Variants in EML4 observed in about 807,000 individuals in gnomAD.
The protein encoded by EML4 is EMAP like 4, also known as echinoderm microtubule-associated protein-like 4.
In EML4, 72 loss-of-function variants were observed where a neutral mutation model predicts 129.0. The observed-to-expected ratio is 0.56, with a 90% CI of 0.46 to 0.68. The LOEUF (loss-of-function observed/expected upper bound fraction) is 0.68, where lower values mean the gene tolerates loss of function less well. Among genes scored for constraint, EML4 ranks in the 30% least tolerant of loss-of-function variants. EML4 has a pLI of 0.00. For missense variants in EML4, 1,363 were observed against 1,190.6 expected (o/e 1.14, Z -2.13); for synonymous variants, 532 against 405.0 (o/e 1.31, Z -3.77).
At chr2:42,323,537 G>A (rs2103819151) in intron 19 of EML4, among the ~76,000 whole-genome samples, 1 of 152,176 alleles carries the variant, frequency 6.6e-6, no homozygotes, top group East Asian at 1.9e-4. Flanking sequence ...AAAGGTTTGG[G>A]GACACATCGG....
rs1218890285 is a variant in EML4 at position 42,282,817 on chromosome 2, G to T, written c.792-6G>T. 3.1e-6 allele frequency: 5 copies of T among 1,607,028 alleles called. No individual in the cohort carries two copies. The highest frequency in any genetic ancestry group is 2.2e-5 in the South Asian group (2 of 90,002). On this transcript the variant is annotated splice_region_variant and splice_polypyrimidine_tract_variant and intron_variant, in intron 7 of 22. Coordinates refer to ENST00000318522, the MANE Select transcript of EML4 (RefSeq NM_019063.5). ...TATTTAAAACCTTGACTCTTTTTCT[G>T]TTAAGATATGGTTATCGAGGAAAGG...
intron 16 of EML4, 87 bp from the exon 17 acceptor site, chr2:42,304,397 A>G (rs1428747945): frequency 9.0e-6 from 8 of 893,432 alleles, no homozygotes. Flanking sequence ...GTTTGAATGA[A>G]ACAGGTTATT....
chr2:42,169,840 A>C, intron 1 of EML4: 1 of 475,014 alleles, frequency 2.1e-6, no homozygotes, highest in Non-Finnish European at 3.6e-6. Context: ...TCTGTGTCAG[A>C]CCCTCCTTTC....
In EML4 at chr2:42,236,205, T is replaced by C. The variant is rs150272859; in HGVS notation, c.26-9300T>C. 1.0e-3 allele frequency among the ~76,000 whole-genome samples: 156 copies of C among 152,380 alleles called. 1 individual carries two copies. Among genetic ancestry groups the C allele is most frequent in the African/African-American group, 3.6e-3 (150 of 41,590 alleles). Reference sequence around the variant, plus strand: ...AACTTTATATAAATTTCACCTGACTTGCTCTTTACATTCATCATGTTCCTG... The same window carrying C: ...AACTTTATATAAATTTCACCTGACTCGCTCTTTACATTCATCATGTTCCTG... On this transcript the variant is annotated intron_variant, in intron 1 of 22. Coordinates refer to ENST00000318522, the MANE Select transcript of EML4 (RefSeq NM_019063.5).
At chr2:42,181,128 T>C (rs910438414) in intron 1 of EML4, among the ~76,000 whole-genome samples, 1 of 152,232 alleles carries the variant, frequency 6.6e-6, no homozygotes, top group Non-Finnish European at 1.5e-5. Context: ...CCCACAATTT[T>C]ACAATTTTAG....
Position 42,329,026 on chromosome 2 carries a change from C to T in EML4, c.2472+10C>T, listed in dbSNP as rs757375345. ...CTGCTCCAAAGCAAAGGTAAACTCA[C>T]TTTAATAGAAACTAATGTTATAAGG... On this transcript the variant is annotated intron_variant, in intron 22 of 22. Coordinates refer to ENST00000318522, the MANE Select transcript of EML4 (RefSeq NM_019063.5). 1.9e-6 allele frequency: 3 copies of T among 1,607,258 alleles called. No individual in the cohort carries two copies. The highest frequency in any genetic ancestry group is 1.3e-5 in the African/African-American group (1 of 74,662).
At chr2:42,169,750 C>T in intron 1 of EML4, 114 bp downstream of exon 1, 4 of 1,247,360 alleles carry the variant, frequency 3.2e-6, no homozygotes, top group Non-Finnish European at 4.4e-6. Context: ...AGCGGCTCCA[C>T]TGCACATGTT....
intron 6 of EML4, among the ~76,000 whole-genome samples, chr2:42,269,078 T>C (rs560045926): frequency 7.3e-4 from 111 of 152,326 alleles, no homozygotes; most frequent in African/African-American, 2.4e-3. Flanking sequence ...ATCCTAACTG[T>C]ACAGGTATAT....
intron 3 of EML4, among the ~76,000 whole-genome samples, chr2:42,259,965 C>G (rs542527060): frequency 2.0e-5 from 3 of 151,678 alleles, no homozygotes; most frequent in Non-Finnish European, 4.4e-5. Flanking sequence ...CTCCTAACCT[C>G]GTGATCCACC....
At chr2:42,256,734 G>A in intron 3 of EML4, 104 bp downstream of exon 3, 1 of 1,379,928 alleles carries the variant, frequency 7.2e-7, no homozygotes, top group Non-Finnish European at 1.0e-6. Flanking sequence ...TTGAATTCAA[G>A]TGAGCATGTC....
In EML4 at chr2:42,288,304, A is replaced by T; in HGVS notation, c.1200A>T (p.Ala400=). Residue 400 remains alanine (A), a synonymous_variant, in exon 11 of 23, where the codon GCA becomes GCT. Transcript: ENST00000318522. ...MLTVWDWQKK[A]KGAEIKTTNE... ...CTGTATGGGACTGGCAGAAGAAAGCAAAAGGAGCAGAAATAAAGGTAAATT... is the reference window on the plus strand; with the variant it reads ...CTGTATGGGACTGGCAGAAGAAAGCTAAAGGAGCAGAAATAAAGGTAAATT... 6.4e-7 allele frequency: 1 copy of T among 1,556,020 alleles called. No homozygotes were observed. The highest frequency in any genetic ancestry group is 8.8e-7 in the Non-Finnish European group (1 of 1,133,084).
intron 2 of EML4, among the ~76,000 whole-genome samples, chr2:42,256,161 G>A (rs1421597427): frequency 1.3e-5 from 2 of 152,190 alleles, no homozygotes; most frequent in African/African-American, 4.8e-5. Flanking sequence ...TTTGAAGACT[G>A]ATGGCATGGG....
At position 42,303,150 on chromosome 2, in the gene EML4, C is replaced by T. The variant is rs373678245; in HGVS notation, c.1688C>T (p.Ala563Val). The change falls in exon 15 of 23, where the codon GCA becomes GTA. Residue 563 changes from alanine (A) to valine (V), a missense_variant. Ala to Val is a moderately conservative substitution (Grantham distance 64). Transcript: ENST00000318522. ...GTIRAVAEGKADQFLVGTSRN... is the reference protein window; with the variant it reads ...GTIRAVAEGKVDQFLVGTSRN... ...ATCAGAGCTGTAGCAGAAGGAAAGGCAGATCAATTTTTAGTAGGCACATCA... is the reference window on the plus strand; with the variant it reads ...ATCAGAGCTGTAGCAGAAGGAAAGGTAGATCAATTTTTAGTAGGCACATCA... 5.6e-6 allele frequency: 9 copies of T among 1,613,916 alleles called. No individual in the cohort carries two copies. In the African/African-American group the frequency reaches 1.1e-4, roughly 19 times the overall value.
At chr2:42,181,833 T>A (rs1252807682) in intron 1 of EML4, among the ~76,000 whole-genome samples, 1 of 152,160 alleles carries the variant, frequency 6.6e-6, no homozygotes. Context: ...CCCTAGTTCT[T>A]TTATGGAGAA....
intron 5 of EML4, 116 bp downstream of exon 5, chr2:42,263,422 T>A (rs1320806440): frequency 1.3e-6 from 1 of 755,622 alleles, no homozygotes; most frequent in Non-Finnish European, 1.9e-6. Flanking sequence ...TTTTTTTTTT[T>A]TGTGACAGAG....
chr2:42,172,322 T>A (rs1003392813), intron 1 of EML4, among the ~76,000 whole-genome samples: 2 of 152,230 alleles, frequency 1.3e-5, no homozygotes, highest in African/African-American at 4.8e-5. Flanking sequence ...AACTGTACCC[T>A]TGATTGTTGC....
At chr2:42,178,111 ACAG>A (rs1406164445) in intron 1 of EML4, among the ~76,000 whole-genome samples, 1 of 152,288 alleles carries the variant, frequency 6.6e-6, no homozygotes, top group Non-Finnish European at 1.5e-5. Flanking sequence ...AATATGTTTA[ACAG>A]CAGCAGCAGC....
chr2:42,251,551 C>T (rs77216786), intron 2 of EML4, among the ~76,000 whole-genome samples: 2,366 of 152,276 alleles, frequency 0.016, 51 homozygotes, highest in African/African-American at 0.054. Context: ...GATAAAATTC[C>T]AAATGGAGAA....
At chr2:42,231,839 C>T (rs976002503) in intron 1 of EML4, among the ~76,000 whole-genome samples, 1 of 152,082 alleles carries the variant, frequency 6.6e-6, no homozygotes, top group African/African-American at 2.4e-5. Flanking sequence ...GTCCCAGCTA[C>T]TCAGGAGGCT....
Sources: allele counts gnomAD v4.1 joint callset (sites outside exome capture counted in the v4.1 genomes callset), GRCh38; gene constraint gnomAD v4.1.1; transcripts MANE v1.5; gene names NCBI Gene and HGNC (gene_info 2026-07-23, HGNC 2026-07-21).